Variants in EIF4ENIF1 observed in about 807,000 individuals in gnomAD.
EIF4ENIF1 encodes the protein eukaryotic translation initiation factor 4E nuclear import factor 1, also known as eukaryotic translation initiation factor 4E transporter.
EIF4ENIF1 carries 23 observed loss-of-function variants against 110.5 expected under a neutral mutation model. That is an observed-to-expected ratio of 0.21 (90% confidence interval 0.15 to 0.29). The LOEUF (loss-of-function observed/expected upper bound fraction) is 0.29, where lower values mean the gene tolerates loss of function less well. Among genes scored for constraint, EIF4ENIF1 ranks in the 10% least tolerant of loss-of-function variants. The probability of loss-of-function intolerance (pLI) is 1.00; values close to 1 mark genes in which losing one functional copy is unlikely to be tolerated. For missense variants in EIF4ENIF1, 1,031 were observed against 1,221.1 expected (o/e 0.84, Z 2.32); for synonymous variants, 440 against 437.0 (o/e 1.01, Z -0.09).
At position 31,445,589 on chromosome 22, in the gene EIF4ENIF1, T is replaced by C. The variant is rs1382542505; in HGVS notation, c.1989-899A>G. Among the ~76,000 whole-genome samples the C allele has an allele frequency of 2.0e-5, 3 of 152,222 alleles. 1 individual carries two copies. Among genetic ancestry groups the C allele is most frequent in the Admixed American group, 2.0e-4 (3 of 15,286 alleles). On this transcript the variant is annotated intron_variant, in intron 14 of 18. Coordinates refer to ENST00000330125, the MANE Select transcript of EIF4ENIF1 (RefSeq NM_019843.4). Reference sequence around the variant, plus strand: ...CCTATCATTCCTTCTGGTAAACATATTTGAGCACCTGCTACAGACACTGTT... The same window carrying C: ...CCTATCATTCCTTCTGGTAAACATACTTGAGCACCTGCTACAGACACTGTT...
chr22:31,474,381 G>T (rs898241028), intron 2 of EIF4ENIF1, among the ~76,000 whole-genome samples: 1 of 151,976 alleles, frequency 6.6e-6, no homozygotes, highest in Admixed American at 6.6e-5. Flanking sequence ...TTTTCTGTTG[G>T]TCTATAACTC....
At position 31,441,956 on chromosome 22, in the gene EIF4ENIF1, C is replaced by A. The variant is rs1160865520; in HGVS notation, c.2369G>T (p.Arg790Ile). 1.2e-6 allele frequency: 2 copies of A among 1,614,172 alleles called. No individual in the cohort carries two copies. Among genetic ancestry groups the A allele is most frequent in the Non-Finnish European group, 1.7e-6 (2 of 1,180,038 alleles). The change falls in exon 17 of 19, where the codon AGA (arginine) becomes ATA (isoleucine). Residue 790 changes from arginine to isoleucine, a missense_variant. Physicochemically the swap from Arg to Ile is moderately conservative, Grantham distance 97. Transcript: ENST00000330125. The stretch of plus-strand genomic sequence containing the variant: ...TGGGGATGCCAAGGTGGGTGTTTTT[C>A]TCCCAGTTGCTTTAGGTCGATAATC... ...EQDYRPKATG[R>I]KTPTLASPVP...
chr22:31,437,627 A>C (rs1248293166), downstream of EIF4ENIF1: 7 of 152,110 alleles, frequency 4.6e-5, no homozygotes, highest in African/African-American at 1.7e-4. Context: ...TTTCTGTCCT[A>C]CTAGCTTCTA....
In EIF4ENIF1 at chr22:31,439,731, A is replaced by C; in HGVS notation, c.*149T>G. Reference sequence around the variant, plus strand: ...GACTGGTTAAGATCCTTCCATCATAATGCGGACCACACCAGATGCATGGGT... The same window carrying C: ...GACTGGTTAAGATCCTTCCATCATACTGCGGACCACACCAGATGCATGGGT... On this transcript the variant is annotated 3_prime_UTR_variant, in exon 19 of 19. Coordinates refer to ENST00000330125, the MANE Select transcript of EIF4ENIF1 (RefSeq NM_019843.4). 2.7e-6 allele frequency: 3 copies of C among 1,112,272 alleles called. No homozygotes were observed. Among genetic ancestry groups the C allele is most frequent in the Non-Finnish European group, 3.8e-6 (3 of 799,806 alleles). 68.9% of individuals were successfully genotyped at this position (1,112,272 alleles called of 1,614,324 possible).
chr22:31,465,454 A>C (rs1462178864), intron 4 of EIF4ENIF1, among the ~76,000 whole-genome samples: 1 of 152,236 alleles, frequency 6.6e-6, no homozygotes, highest in Non-Finnish European at 1.5e-5. Flanking sequence ...TCATTAGGGA[A>C]ATGCAAATTA....
intron 14 of EIF4ENIF1, among the ~76,000 whole-genome samples, chr22:31,445,293 C>A (rs2050427494): frequency 7.1e-6 from 1 of 141,142 alleles, no homozygotes; most frequent in Non-Finnish European, 1.6e-5. Flanking sequence ...TCGTTCAAAT[C>A]AAATACAGAA....
intron 2 of EIF4ENIF1, among the ~76,000 whole-genome samples, chr22:31,479,687 G>GTTTTT (rs11321585): frequency 8.0e-6 from 1 of 124,832 alleles, no homozygotes; most frequent in Non-Finnish European, 1.6e-5. Context: ...TTGGAAAGGT[G>GTTTTT]TTTTTTTTTT....
intron 11 of EIF4ENIF1, among the ~76,000 whole-genome samples, chr22:31,450,057 G>A (rs921184009): frequency 2.0e-5 from 3 of 151,672 alleles, no homozygotes; most frequent in African/African-American, 4.9e-5. Context: ...CACAGAAACT[G>A]CAAAGGAAAC....
chr22:31,462,943 G>A lies in EIF4ENIF1; in HGVS notation c.776C>T (p.Ser259Phe). The A allele has an allele frequency of 6.2e-7, 1 of 1,613,810 alleles. No individual in the cohort carries two copies. Residue 259 changes from serine (S) to phenylalanine (F), a missense_variant, in exon 6 of 19, where the codon TCT becomes TTT. Physicochemically the swap from Ser to Phe is radical, Grantham distance 155 (BLOSUM62 -2). Around this residue, in one of 3 missense-constraint regions of EIF4ENIF1, gnomAD observed 704 missense variants for 879.7 expected, o/e 0.80. Transcript: ENST00000330125. ...GRKRTRRRTA[S>F]VKEGIVECNG... ...AAGTTTGAACTGACCTTCCTTCACA[G>A]AGGCTGTCCGTCGCCTTGTTCTTTT... is the stretch of plus-strand genomic sequence containing the variant.
In EIF4ENIF1 at chr22:31,441,833, A is replaced by G. The variant is rs150410250; in HGVS notation, c.2492T>C (p.Val831Ala). The G allele has an allele frequency of 6.2e-6, 10 of 1,614,160 alleles. No homozygotes were observed. The African/African-American group carries it at 1.3e-4, about 22-fold the overall frequency. ...RPAHQLHPGL[V>A]QRMLAQGVHP... The stretch of plus-strand genomic sequence containing the variant: ...TACTCCCTGGGCCAGCATCCTCTGT[A>G]CCAACCCTGGGTGAAGCTGGTGAGC... The change falls in exon 17 of 19, where the codon GTA becomes GCA. Residue 831 changes from valine (V) to alanine (A), a missense_variant. By Grantham distance (64) the Val-to-Ala change is moderately conservative. This residue lies in a region of EIF4ENIF1 where 309 missense variants were observed against 299.1 expected (regional missense o/e 1.03). Transcript: ENST00000330125.
intron 12 of EIF4ENIF1, among the ~76,000 whole-genome samples, chr22:31,448,525 A>G (rs2050548502): frequency 6.6e-6 from 1 of 152,196 alleles, no homozygotes; most frequent in African/African-American, 2.4e-5. Context: ...CGTTATCACT[A>G]AGCCAGCTGG....
At position 31,463,807 on chromosome 22, in the gene EIF4ENIF1, A is replaced by G. The variant is rs375170323; in HGVS notation, c.459T>C (p.Arg153=). The change falls in exon 5 of 19, where the codon CGT becomes CGC. Residue 153 remains arginine, a synonymous_variant. Transcript: ENST00000330125. ...DSDGLRLLGG[R]RIGSGRIISA... ...AGATTATCCTCCCACTGCCAATCCT[A>G]CGTCCACCAAGCAGACGAAGCCCAT... The G allele has an allele frequency of 8.9e-5, 143 of 1,613,760 alleles. No homozygotes were observed. The highest frequency in any genetic ancestry group is 1.2e-4 in the Non-Finnish European group (137 of 1,180,002).
chr22:31,439,958 G>A lies in EIF4ENIF1; in HGVS notation c.2880C>T (p.Gly960=). ...GCAGGGGTTGCTGTAGCACATCTGA[G>A]CCAAACCATTTGGCAAGGCCCACAG... ...SSPVGLAKWF[G]SDVLQQPLPS... is the part of the protein sequence containing the mutation. The change falls in exon 19 of 19, where the codon GGC becomes GGT. Residue 960 remains glycine, a synonymous_variant. Coordinates refer to ENST00000330125, the MANE Select transcript of EIF4ENIF1 (RefSeq NM_019843.4). The A allele has an allele frequency of 1.2e-6, 2 of 1,614,168 alleles. No individual in the cohort carries two copies. Among genetic ancestry groups the A allele is most frequent in the South Asian group, 1.1e-5 (1 of 91,082 alleles).
At chr22:31,480,747 C>CGGCTGTT (rs2051787177) in intron 2 of EIF4ENIF1, among the ~76,000 whole-genome samples, 1 of 151,818 alleles carries the variant, frequency 6.6e-6, no homozygotes. Context: ...AGGAACAAAA[C>CGGCTGTT]TCCCTCTGAA....
Position 31,442,062 on chromosome 22 carries a change from T to TA in EIF4ENIF1, c.2262dup (p.Thr755TyrfsTer32). ...TGTAATGCTGACAGTTTGGAATTTGTAGTGGGAGAAGAGTCTCGATCGGCA... is the reference window on the plus strand; with the variant it reads ...TGTAATGCTGACAGTTTGGAATTTGTAAGTGGGAGAAGAGTCTCGATCGGCA... On this transcript the variant is annotated frameshift_variant, in exon 17 of 19. Coordinates refer to ENST00000330125, the MANE Select transcript of EIF4ENIF1 (RefSeq NM_019843.4). LOFTEE classifies it high-confidence loss of function. 1 of 1,614,188 alleles carries TA rather than the reference T, an allele frequency of 6.2e-7. No individual in the cohort carries two copies. The highest frequency in any genetic ancestry group is 8.5e-7 in the Non-Finnish European group (1 of 1,180,036).
chr22:31,449,630 C>A, intron 11 of EIF4ENIF1, 99 bp from the exon 12 acceptor site: 1 of 1,094,402 alleles, frequency 9.1e-7, no homozygotes, highest in East Asian at 2.4e-5. Context: ...AGATGGATCT[C>A]CCTCATGCTC....
chr22:31,442,193 T>A, intron 16 of EIF4ENIF1, 75 bp from the exon 17 acceptor site: 1 of 1,162,744 alleles, frequency 8.6e-7, no homozygotes, highest in Non-Finnish European at 1.2e-6. Context: ...GTCTAATAAA[T>A]CTCATTTCTT....
intron 10 of EIF4ENIF1, chr22:31,450,894 C>CACACACAA (rs1261087732): frequency 7.0e-6 from 1 of 142,752 alleles, no homozygotes; most frequent in African/African-American, 3.1e-5. Flanking sequence ...CACACACACA[C>CACACACAA]AAAAGAGACA....
intron 2 of EIF4ENIF1, among the ~76,000 whole-genome samples, chr22:31,474,208 C>T (rs1320834178): frequency 6.6e-6 from 1 of 152,116 alleles, no homozygotes; most frequent in South Asian, 2.1e-4. Context: ...CAGGCATGCA[C>T]CACCATGGCT....
Sources: allele counts gnomAD v4.1 joint callset (sites outside exome capture counted in the v4.1 genomes callset), GRCh38; gene constraint gnomAD v4.1.1; regional missense constraint gnomAD v4.1.1; transcripts MANE v1.5; gene names NCBI Gene and HGNC (gene_info 2026-07-23, HGNC 2026-07-21).